OSBPL8: variants seen among roughly 807,000 people sequenced by gnomAD.
OSBPL8 encodes oxysterol binding protein like 8, also known as oxysterol-binding protein-related protein 8.
In OSBPL8, 59 loss-of-function variants were observed where a neutral mutation model predicts 125.5. The observed-to-expected ratio is 0.47, with a 90% CI of 0.38 to 0.58. The LOEUF is 0.58. Ranked by LOEUF, OSBPL8 falls within the 20% of genes least tolerant of loss-of-function variation. The probability of loss-of-function intolerance (pLI) is 0.00; values close to 1 mark genes in which losing one functional copy is unlikely to be tolerated. For synonymous variants in OSBPL8, 330 were observed against 338.9 expected, an observed-to-expected ratio of 0.97 and a Z score of 0.29; for missense variants, 758 against 1,047.8, an observed-to-expected ratio of 0.72 and a Z score of 3.82.
intron 5 of OSBPL8, among the ~76,000 whole-genome samples, chr12:76,409,045 C>T (rs544986109): frequency 6.6e-6 from 1 of 151,788 alleles, no homozygotes; most frequent in South Asian, 2.1e-4. Context: ...TGTGGCAGAC[C>T]TAAGATAAAT....
At chr12:76,371,646 A>T in intron 18 of OSBPL8, 62 bp from the exon 19 acceptor site, 1 of 1,312,444 alleles carries the variant, frequency 7.6e-7, no homozygotes, top group Non-Finnish European at 1.0e-6. Context: ...ATTATATAGT[A>T]TAGTAATATG....
At position 76,378,839 on chromosome 12, in the gene OSBPL8, C is replaced by T. The variant is rs150605916; in HGVS notation, c.1631-289G>A. Among the ~76,000 whole-genome samples, 942 of 152,018 alleles carry T rather than the reference C, an allele frequency of 6.2e-3. 6 individuals carry two copies. Among genetic ancestry groups the T allele is most frequent in the Middle Eastern group, 0.037 (11 of 294 alleles). On this transcript the variant is annotated intron_variant, in intron 15 of 23. Coordinates refer to ENST00000261183, the MANE Select transcript of OSBPL8 (RefSeq NM_020841.5). ...AGGCTGGAGTGCAGTGGAGTGATCT[C>T]GACTCACTGTAATCTCCACCTCCAG...
At chr12:76,392,349 T>C (rs890985955) in intron 10 of OSBPL8, among the ~76,000 whole-genome samples, 1 of 152,192 alleles carries the variant, frequency 6.6e-6, no homozygotes, top group Non-Finnish European at 1.5e-5. Flanking sequence ...ATAATTAGCA[T>C]GGCTATATTT....
chr12:76,352,636 A>G lies in OSBPL8; in HGVS notation c.*3253T>C, dbSNP rs898725821. ...AATATTTTATTTCTGTACATTTAATATGATTCAATATAATCTGCAGTCTCA... is the reference window on the plus strand; with the variant it reads ...AATATTTTATTTCTGTACATTTAATGTGATTCAATATAATCTGCAGTCTCA... On this transcript the variant is annotated 3_prime_UTR_variant, in exon 24 of 24. Transcript: ENST00000261183. 9 of 152,546 alleles carry G rather than the reference A, an allele frequency of 5.9e-5. No homozygotes were observed. The highest frequency in any genetic ancestry group is 5.9e-5 in the Non-Finnish European group (4 of 67,962). 9.4% of individuals were successfully genotyped at this position (152,546 alleles called of 1,614,324 possible).
At chr12:76,384,225 A>C (rs1226536175) in intron 15 of OSBPL8, 29 bp downstream of exon 15, 2 of 1,302,738 alleles carry the variant, frequency 1.5e-6, no homozygotes, top group Non-Finnish European at 2.1e-6. Context: ...CTCCCAGGAG[A>C]GGGTGCAAGT....
At chr12:76,377,351 A>G (rs1952866026) in intron 16 of OSBPL8, among the ~76,000 whole-genome samples, 1 of 152,188 alleles carries the variant, frequency 6.6e-6, no homozygotes, top group Non-Finnish European at 1.5e-5. Flanking sequence ...GGATAGCCAC[A>G]CCGTCTTCCA....
At chr12:76,525,386 T>C (rs1349267428) in intron 1 of OSBPL8, among the ~76,000 whole-genome samples, 1 of 152,246 alleles carries the variant, frequency 6.6e-6, no homozygotes, top group African/African-American at 2.4e-5. Context: ...TTACCAAATA[T>C]TTATTTGACA....
chr12:76,409,563 C>A (rs1403195243), intron 5 of OSBPL8, among the ~76,000 whole-genome samples: 3 of 152,112 alleles, frequency 2.0e-5, no homozygotes, highest in African/African-American at 7.2e-5. Flanking sequence ...GGGATCTCAG[C>A]CATGAACCTT....
chr12:76,480,853 GA>G (rs1877393624), intron 2 of OSBPL8, among the ~76,000 whole-genome samples: 1 of 152,152 alleles, frequency 6.6e-6, no homozygotes, highest in Non-Finnish European at 1.5e-5. Context: ...TGGAAGCTGT[GA>G]ATGTTACCTT....
intron 4 of OSBPL8, among the ~76,000 whole-genome samples, chr12:76,411,847 G>T (rs1407392441): frequency 6.6e-6 from 1 of 152,008 alleles, no homozygotes; most frequent in African/African-American, 2.4e-5. Flanking sequence ...TATTAGAATG[G>T]CTAAAATTAA....
intron 2 of OSBPL8, among the ~76,000 whole-genome samples, chr12:76,470,765 A>T (rs1283814803): frequency 1.3e-5 from 2 of 152,324 alleles, no homozygotes; most frequent in East Asian, 1.9e-4. Flanking sequence ...ATGACTCATC[A>T]ATCTACCACA....
intron 1 of OSBPL8, among the ~76,000 whole-genome samples, chr12:76,544,475 A>T (rs1269749103): frequency 6.6e-6 from 1 of 152,204 alleles, no homozygotes; most frequent in African/African-American, 2.4e-5. Context: ...ATATTATTGA[A>T]ATAAGGTAAC....
At chr12:76,398,111 C>T (rs1486067763) in intron 7 of OSBPL8, among the ~76,000 whole-genome samples, 1 of 151,996 alleles carries the variant, frequency 6.6e-6, no homozygotes, top group Non-Finnish European at 1.5e-5. Context: ...GGAGACAGGC[C>T]AACAGTTTCA....
intron 1 of OSBPL8, chr12:76,534,399 C>T (rs913605145): frequency 2.3e-4 from 35 of 152,324 alleles, no homozygotes; most frequent in African/African-American, 6.7e-4. Context: ...CTGGTACACA[C>T]TTTTGTTGCT....
chr12:76,448,959 G>A (rs1211753401), intron 4 of OSBPL8, among the ~76,000 whole-genome samples: 1 of 152,188 alleles, frequency 6.6e-6, no homozygotes, highest in African/African-American at 2.4e-5. Context: ...GTTGCAGTGA[G>A]CTGAGATCGC....
chr12:76,553,148 T>C (rs1033568391), intron 1 of OSBPL8, among the ~76,000 whole-genome samples: 1 of 151,266 alleles, frequency 6.6e-6, no homozygotes, highest in African/African-American at 2.4e-5. Context: ...TAGATTGAAC[T>C]TCTCTCTCTC....
At chr12:76,389,591 G>T in intron 12 of OSBPL8, 54 bp downstream of exon 12, 2 of 1,320,826 alleles carry the variant, frequency 1.5e-6, no homozygotes, top group Non-Finnish European at 2.0e-6. Context: ...GCATTCTTGA[G>T]AATTTCTAAA....
chr12:76,549,048 G>A (rs1348797571), intron 1 of OSBPL8, among the ~76,000 whole-genome samples: 1 of 151,354 alleles, frequency 6.6e-6, no homozygotes, highest in African/African-American at 2.4e-5. Context: ...AAGAAAAAGA[G>A]AACAACAAAA....
chr12:76,546,243 A>G (rs564915875), intron 1 of OSBPL8, among the ~76,000 whole-genome samples: 1 of 152,316 alleles, frequency 6.6e-6, no homozygotes, highest in African/African-American at 2.4e-5. Context: ...TGAATTATGA[A>G]GAAGCTCCTC....
Sources: allele counts gnomAD v4.1 joint callset (sites outside exome capture counted in the v4.1 genomes callset), GRCh38; gene constraint gnomAD v4.1.1; transcripts MANE v1.5; gene names NCBI Gene and HGNC (gene_info 2026-07-23, HGNC 2026-07-21).